Variants in IL2RA observed in about 807,000 individuals in gnomAD.
IL2RA encodes the protein interleukin-2 receptor subunit alpha.
Under a neutral mutation model 37.8 loss-of-function variants are expected in IL2RA, and 24 were observed. The observed-to-expected ratio is 0.63, with a 90% CI of 0.46 to 0.89. The LOEUF (loss-of-function observed/expected upper bound fraction) is 0.89. Among genes scored for constraint, IL2RA ranks in the 40% least tolerant of loss-of-function variants. The pLI, the probability that IL2RA is intolerant of heterozygous loss-of-function variation, is 0.00. For missense variants in IL2RA, 319 were observed against 348.6 expected, an observed-to-expected ratio of 0.92 and a Z score of 0.68; for synonymous variants, 125 against 114.6, an observed-to-expected ratio of 1.09 and a Z score of -0.58.
Position 6,021,222 on chromosome 10 carries a change from C to A in IL2RA, c.583+256G>T, listed in dbSNP as rs1443010040. ...TCTAGGGTGCTTAGGAGAGGGCTTT[C>A]CTTCTCTTCTGTCTCCAACCTTTCT... is the stretch of plus-strand genomic sequence containing the variant. On this transcript the variant is annotated intron_variant, in intron 4 of 7. Transcript: ENST00000379959. This position sits in a 1 kb window ranked among gnomAD's most constrained non-coding sequence, Gnocchi z 4.9. Among the ~76,000 whole-genome samples, 1 of 152,090 alleles carries A rather than the reference C, an allele frequency of 6.6e-6. No individual in the cohort carries two copies. Among genetic ancestry groups the A allele is most frequent in the Non-Finnish European group, 1.5e-5 (1 of 68,010 alleles).
chr10:6,058,083 C>T lies in IL2RA; in HGVS notation c.64+4005G>A, dbSNP rs182754654. ...CAGAGGTTGCAGTGAGCCAATATCT[C>T]GCCACTGCACTCCAGCCTGAGTGAC... On this transcript the variant is annotated intron_variant, in intron 1 of 7. Coordinates refer to ENST00000379959, the MANE Select transcript of IL2RA (RefSeq NM_000417.3). This position sits in a 1 kb window ranked among gnomAD's most constrained non-coding sequence, Gnocchi z 4.2. Among the ~76,000 whole-genome samples the T allele has an allele frequency of 5.3e-5, 8 of 152,164 alleles. 1 individual carries two copies. The highest frequency in any genetic ancestry group is 1.4e-4 in the African/African-American group (6 of 41,512).
chr10:6,051,416 G>A (rs1291450682), intron 1 of IL2RA, among the ~76,000 whole-genome samples: 5 of 151,708 alleles, frequency 3.3e-5, no homozygotes, highest in East Asian at 1.9e-4. Flanking sequence ...ACTTGGTGAC[G>A]TAATAAACTG....
At chr10:6,051,816 G>A (rs867424008) in intron 1 of IL2RA, among the ~76,000 whole-genome samples, 30 of 5,818 alleles carry the variant, frequency 5.2e-3, no homozygotes, top group Admixed American at 9.3e-3. Flanking sequence ...ATCATGCCCA[G>A]CTATATATAT....
At chr10:6,051,468 C>A (rs1162133519) in intron 1 of IL2RA, among the ~76,000 whole-genome samples, 3 of 150,106 alleles carry the variant, frequency 2.0e-5, no homozygotes, top group African/African-American at 4.9e-5. Context: ...TCAAGGAGCT[C>A]ATTTCATGAG....
Position 6,015,626 on chromosome 10 carries a change from A to T in IL2RA, c.794+2427T>A, listed in dbSNP as rs1043691278. Among the ~76,000 whole-genome samples, 3 of 152,230 alleles carry T rather than the reference A, an allele frequency of 2.0e-5. No individual in the cohort carries two copies. The highest frequency in any genetic ancestry group is 7.2e-5 in the African/African-American group (3 of 41,466). Reference sequence around the variant, plus strand: ...CACATAATAGTTATATATATTTATGAGGTATGTAGGGATGCTTTGATACCT... The same window carrying T: ...CACATAATAGTTATATATATTTATGTGGTATGTAGGGATGCTTTGATACCT... On this transcript the variant is annotated intron_variant, in intron 7 of 7. Coordinates refer to ENST00000379959, the MANE Select transcript of IL2RA (RefSeq NM_000417.3). The surrounding 1 kb of genome is among the most constrained non-coding windows in gnomAD (Gnocchi z 4.9).
Position 6,062,332 on chromosome 10 carries a change from T to C in IL2RA, c.-181A>G. On this transcript the variant is annotated 5_prime_UTR_variant, in exon 1 of 8. Coordinates refer to ENST00000379959, the MANE Select transcript of IL2RA (RefSeq NM_000417.3). ...TCTATCGGAGTCAGGAGTTGCTCTC[T>C]TTAAGTATTGGGCTGGCGTGTTCAG... The C allele has an allele frequency of 1.7e-6, 1 of 596,210 alleles. No homozygotes were observed. The highest frequency in any genetic ancestry group is 3.0e-6 in the Non-Finnish European group (1 of 327,872). The allele number at this position is 596,210 out of a possible 1,614,324, so 36.9% of individuals were successfully genotyped here.
Position 6,047,616 on chromosome 10 carries a change from T to G in IL2RA, c.64+14472A>C, listed in dbSNP as rs971207138. 2.6e-5 allele frequency among the ~76,000 whole-genome samples: 4 copies of G among 151,488 alleles called. No individual in the cohort carries two copies. Among genetic ancestry groups the G allele is most frequent in the Admixed American group, 2.6e-4 (4 of 15,202 alleles). On this transcript the variant is annotated intron_variant, in intron 1 of 7. Transcript: ENST00000379959. This position sits in a 1 kb window ranked among gnomAD's most constrained non-coding sequence, Gnocchi z 5.0. ...TATGAAGGATAATTAACGTATCTATTATTTTATTAGACATCACAATTCAAA... is the reference window on the plus strand; with the variant it reads ...TATGAAGGATAATTAACGTATCTATGATTTTATTAGACATCACAATTCAAA...
intron 1 of IL2RA, among the ~76,000 whole-genome samples, chr10:6,061,343 G>A (rs983230070): frequency 4.6e-5 from 7 of 151,738 alleles, no homozygotes; most frequent in South Asian, 2.1e-4. Flanking sequence ...CCAATATCGC[G>A]CCACTGCACT....
intron 1 of IL2RA, among the ~76,000 whole-genome samples, chr10:6,038,089 A>T (rs1336228558): frequency 1.3e-5 from 2 of 152,228 alleles, no homozygotes; most frequent in Non-Finnish European, 2.9e-5. Flanking sequence ...GCCAACCTCT[A>T]CATTTTATAG....
Position 6,011,494 on chromosome 10 carries a change from T to C in IL2RA, c.*1378A>G, listed in dbSNP as rs555259758. 3 of 152,354 alleles carry C rather than the reference T, an allele frequency of 2.0e-5. No individual in the cohort carries two copies. The highest frequency in any genetic ancestry group is 4.2e-4 in the South Asian group (2 of 4,816). The allele number at this position is 152,354 out of a possible 1,614,324, so 9.4% of individuals were successfully genotyped here. On this transcript the variant is annotated 3_prime_UTR_variant, in exon 8 of 8. Transcript: ENST00000379959. This position sits in a 1 kb window ranked among gnomAD's most constrained non-coding sequence, Gnocchi z 5.2. ...TTTTAACAAGGCCTCCCGGTGATTC[T>C]AATATGCTGAACTTTTTGATAATGT...
rs199788056 is a variant in IL2RA, at chr10:6,029,128, TTTTA to T, written c.65-3107_65-3104del. On this transcript the variant is annotated intron_variant, in intron 1 of 7. Coordinates refer to ENST00000379959, the MANE Select transcript of IL2RA (RefSeq NM_000417.3). The surrounding 1 kb of genome is among the most constrained non-coding windows in gnomAD (Gnocchi z 4.6). ...TGACCTGCAGATTTGCTGCCATTTA[TTTTA>T]TTTATTTATTTATTTATTTATTTAT... is the stretch of plus-strand genomic sequence containing the variant. Among the ~76,000 whole-genome samples, 53,092 of 140,248 alleles carry T rather than the reference TTTTA, an allele frequency of 0.38. 10,479 individuals are homozygous for T. The highest frequency in any genetic ancestry group is 0.62 in the East Asian group (2,950 of 4,766). The allele number at this position is 140,248 out of a possible 152,430, so 92.0% of individuals were successfully genotyped here. A position where few individuals can be genotyped will look rare whatever the true frequency, so the allele number is the denominator to read the frequency against.
Position 6,047,061 on chromosome 10 carries a change from G to A in IL2RA, c.64+15027C>T, listed in dbSNP as rs1839872570. Among the ~76,000 whole-genome samples, 1 of 152,214 alleles carries A rather than the reference G, an allele frequency of 6.6e-6. No homozygotes were observed. Among genetic ancestry groups the A allele is most frequent in the African/African-American group, 2.4e-5 (1 of 41,440 alleles). On this transcript the variant is annotated intron_variant, in intron 1 of 7. Coordinates refer to ENST00000379959, the MANE Select transcript of IL2RA (RefSeq NM_000417.3). This position sits in a 1 kb window ranked among gnomAD's most constrained non-coding sequence, Gnocchi z 5.0. ...GAATGTTAGGACTGAAAGGGACAAA[G>A]ACCCTCTCCATGTCTCTGCATGCTT...
rs1036006627 is a variant in IL2RA at position 6,046,282 on chromosome 10, G to T, written c.64+15806C>A. Among the ~76,000 whole-genome samples, 1 of 152,212 alleles carries T rather than the reference G, an allele frequency of 6.6e-6. No homozygotes were observed. Among genetic ancestry groups the T allele is most frequent in the African/African-American group, 2.4e-5 (1 of 41,454 alleles). Reference sequence around the variant, plus strand: ...GGGAGAAAACCATGGGAAGTGGGGAGCACTGATTGAGGTTCTGGGGTCCTG... The same window carrying T: ...GGGAGAAAACCATGGGAAGTGGGGATCACTGATTGAGGTTCTGGGGTCCTG... On this transcript the variant is annotated intron_variant, in intron 1 of 7. Coordinates refer to ENST00000379959, the MANE Select transcript of IL2RA (RefSeq NM_000417.3). The surrounding 1 kb of genome is among the most constrained non-coding windows in gnomAD (Gnocchi z 4.8).
Position 6,026,253 on chromosome 10 carries a change from G to A in IL2RA, c.65-228C>T, listed in dbSNP as rs1376179329. 2.6e-5 allele frequency among the ~76,000 whole-genome samples: 4 copies of A among 152,186 alleles called. No individual in the cohort carries two copies. The South Asian group carries it at 6.2e-4, about 24-fold the overall frequency. On this transcript the variant is annotated intron_variant, in intron 1 of 7. Coordinates refer to ENST00000379959, the MANE Select transcript of IL2RA (RefSeq NM_000417.3). The stretch of plus-strand genomic sequence containing the variant: ...ACCAAGCTCCTCTCCAAAGCACAAT[G>A]TATTTCAAACTAGATGAGTAGAAAT...
Position 6,020,456 on chromosome 10 carries a change from C to G in IL2RA, c.584-515G>C, listed in dbSNP as rs1412136845. On this transcript the variant is annotated intron_variant, in intron 4 of 7. Transcript: ENST00000379959. This position sits in a 1 kb window ranked among gnomAD's most constrained non-coding sequence, Gnocchi z 5.6. ...AGCAGCTAAGGGAACAAAACAGCCTCCCTAGGGAACCCAAGAGAAGGACAT... is the reference window on the plus strand; with the variant it reads ...AGCAGCTAAGGGAACAAAACAGCCTGCCTAGGGAACCCAAGAGAAGGACAT... 6.6e-6 allele frequency among the ~76,000 whole-genome samples: 1 copy of G among 152,100 alleles called. No individual in the cohort carries two copies. The highest frequency in any genetic ancestry group is 1.5e-5 in the Non-Finnish European group (1 of 67,980).
At chr10:6,016,982 A>C (rs74494237) in intron 7 of IL2RA, 1 of 152,358 alleles carries the variant, frequency 6.6e-6, no homozygotes, top group African/African-American at 2.4e-5. Flanking sequence ...GCAAATGAAG[A>C]TTCCCCCCAA....
At chr10:6,026,946 C>T (rs1447057055) in intron 1 of IL2RA, among the ~76,000 whole-genome samples, 8 of 152,118 alleles carry the variant, frequency 5.3e-5, no homozygotes, top group African/African-American at 9.7e-5. Context: ...TTCTCTGTGC[C>T]CTTAGACTCT....
At position 6,020,660 on chromosome 10, in the gene IL2RA, G is replaced by A. The variant is rs1162722873; in HGVS notation, c.584-719C>T. Among the ~76,000 whole-genome samples the A allele has an allele frequency of 6.6e-6, 1 of 152,056 alleles. No homozygotes were observed. Among genetic ancestry groups the A allele is most frequent in the African/African-American group, 2.4e-5 (1 of 41,388 alleles). ...TGATTCTCCTGCCTCAGCCTCCCAA[G>A]TAGCTGGGATTACAGGCACCCACCA... is the stretch of plus-strand genomic sequence containing the variant. On this transcript the variant is annotated intron_variant, in intron 4 of 7. Coordinates refer to ENST00000379959, the MANE Select transcript of IL2RA (RefSeq NM_000417.3). This position sits in a 1 kb window ranked among gnomAD's most constrained non-coding sequence, Gnocchi z 5.6.
At position 6,054,930 on chromosome 10, in the gene IL2RA, C is replaced by CATGGG. The variant is rs1041622607; in HGVS notation, c.64+7153_64+7157dup. On this transcript the variant is annotated intron_variant, in intron 1 of 7. Transcript: ENST00000379959. This position sits in a 1 kb window ranked among gnomAD's most constrained non-coding sequence, Gnocchi z 4.5. ...CAGGCTGGTTTTGAACTCCTGGGCT[C>CATGGG]ATGGGATCCTCCTGCCTTGGCCTCC... is the stretch of plus-strand genomic sequence containing the variant. Among the ~76,000 whole-genome samples, 5 of 152,160 alleles carry CATGGG rather than the reference C, an allele frequency of 3.3e-5. No homozygotes were observed. Among genetic ancestry groups the CATGGG allele is most frequent in the Non-Finnish European group, 7.3e-5 (5 of 68,028 alleles).
Sources: allele counts gnomAD v4.1 joint callset (sites outside exome capture counted in the v4.1 genomes callset), GRCh38; gene constraint gnomAD v4.1.1; non-coding constraint Gnocchi (gnomAD v3.1); transcripts MANE v1.5; gene names NCBI Gene and HGNC (gene_info 2026-07-23, HGNC 2026-07-21).